Variants in ITPK1 observed in about 807,000 individuals in gnomAD.
ITPK1 encodes inositol 1,3,4-trisphosphate 5/6-kinase.
Under a neutral mutation model 45.3 loss-of-function variants are expected in ITPK1, and 21 were observed. That is an observed-to-expected ratio of 0.46 (90% CI 0.33 to 0.67). The LOEUF is 0.67. ITPK1 is among the 30% of genes least tolerant of loss of function. The probability of loss-of-function intolerance (pLI) is 0.02; values close to 1 mark genes in which losing one functional copy is unlikely to be tolerated. For synonymous variants in ITPK1, 258 were observed against 253.6 expected (o/e 1.02, Z -0.16); for missense variants, 474 against 573.5 (o/e 0.83, Z 1.77).
At position 92,940,263 on chromosome 14, in the gene ITPK1, G is replaced by A. The variant is rs142200308; in HGVS notation, c.*1298C>T. On this transcript the variant is annotated 3_prime_UTR_variant, in exon 11 of 11. Transcript: ENST00000267615. The stretch of plus-strand genomic sequence containing the variant: ...TTTTCAAAGTAAACTGCTATCTTAA[G>A]ACACAAAAACATACTTGTGGGGGCT... 2,320 of 987,424 alleles carry A rather than the reference G, an allele frequency of 2.3e-3. 4 individuals are homozygous for A. The highest frequency in any genetic ancestry group is 3.2e-3 in the Admixed American group (53 of 16,628). 61.2% of individuals were successfully genotyped at this position (987,424 alleles called of 1,614,324 possible).
chr14:92,969,631 C>T (rs1885550186), intron 5 of ITPK1, among the ~76,000 whole-genome samples: 1 of 152,224 alleles, frequency 6.6e-6, no homozygotes, highest in African/African-American at 2.4e-5. Context: ...GGGTTCCTCC[C>T]TCTCGATCAC....
chr14:93,098,925 C>A (rs759129989), intron 2 of ITPK1, among the ~76,000 whole-genome samples: 2 of 152,186 alleles, frequency 1.3e-5, no homozygotes, highest in Non-Finnish European at 2.9e-5. Flanking sequence ...CCCTCACCTG[C>A]CCCACTCGTT....
At chr14:92,963,913 C>T (rs75572102) in intron 5 of ITPK1, among the ~76,000 whole-genome samples, 179 of 152,232 alleles carry the variant, frequency 1.2e-3, no homozygotes, top group African/African-American at 4.0e-3. Context: ...GTGAGCGGGG[C>T]GGGGGCGGTC....
chr14:92,949,789 G>A (rs540054876), intron 9 of ITPK1, among the ~76,000 whole-genome samples: 4 of 152,326 alleles, frequency 2.6e-5, no homozygotes, highest in African/African-American at 4.8e-5. Flanking sequence ...AAATCCTTCC[G>A]AAGTTGTCTG....
chr14:92,942,912 C>G (rs1887503664), intron 10 of ITPK1, among the ~76,000 whole-genome samples: 1 of 152,254 alleles, frequency 6.6e-6, no homozygotes, highest in Non-Finnish European at 1.5e-5. Flanking sequence ...CATTTACAAC[C>G]ATCAGCCCCA....
At chr14:93,057,373 G>A (rs1390597513) in intron 3 of ITPK1, among the ~76,000 whole-genome samples, 1 of 152,174 alleles carries the variant, frequency 6.6e-6, no homozygotes, top group Non-Finnish European at 1.5e-5. Flanking sequence ...CAAGCAGATC[G>A]ACAAATTCTC....
In ITPK1 at chr14:93,036,610, A is replaced by C. The variant is rs1027422368; in HGVS notation, c.121-19809T>G. ...CGGCGTTCTGTGGCCCACACCCCTCATGACTCACCAGGCTCAGCACCCCAG... is the reference window on the plus strand; with the variant it reads ...CGGCGTTCTGTGGCCCACACCCCTCCTGACTCACCAGGCTCAGCACCCCAG... On this transcript the variant is annotated intron_variant, in intron 3 of 10. Transcript: ENST00000267615. The surrounding 1 kb of genome is among the most constrained non-coding windows in gnomAD (Gnocchi z 4.1). Among the ~76,000 whole-genome samples the C allele has an allele frequency of 6.8e-5, 10 of 147,818 alleles. No individual in the cohort carries two copies. Among genetic ancestry groups the C allele is most frequent in the African/African-American group, 2.5e-4 (10 of 39,644 alleles).
At chr14:93,064,532 G>A (rs1370318777) in intron 3 of ITPK1, among the ~76,000 whole-genome samples, 1 of 152,108 alleles carries the variant, frequency 6.6e-6, no homozygotes, top group East Asian at 1.9e-4. Context: ...GGAACCCTGG[G>A]AGCCACCCCA....
intron 2 of ITPK1, among the ~76,000 whole-genome samples, chr14:93,091,341 A>T (rs1262850436): frequency 6.6e-6 from 1 of 152,218 alleles, no homozygotes; most frequent in East Asian, 1.9e-4. Context: ...GACAGCTCCC[A>T]CAGAAGCACT....
In ITPK1 at chr14:93,055,505, T is replaced by C. The variant is rs112728636; in HGVS notation, c.120+21090A>G. On this transcript the variant is annotated intron_variant, in intron 3 of 10. Transcript: ENST00000267615. ...TTCAGTCTCTCAACCTAGACACAAG[T>C]GCTCCACGAAGGCAGAGGGATTTGG... 2.1e-3 allele frequency among the ~76,000 whole-genome samples: 318 copies of C among 152,222 alleles called. 1 individual carries two copies. Among genetic ancestry groups the C allele is most frequent in the African/African-American group, 7.1e-3 (295 of 41,530 alleles).
intron 5 of ITPK1, among the ~76,000 whole-genome samples, chr14:92,986,546 G>A (rs1483896590): frequency 1.3e-5 from 2 of 152,216 alleles, no homozygotes; most frequent in Non-Finnish European, 2.9e-5. Flanking sequence ...TAGAGGAGGG[G>A]TGCCTGTGGG....
At chr14:92,995,600 G>A (rs1251296868) in intron 4 of ITPK1, among the ~76,000 whole-genome samples, 1 of 152,124 alleles carries the variant, frequency 6.6e-6, no homozygotes, top group East Asian at 1.9e-4. Flanking sequence ...CGTAACCTAG[G>A]GGAGGCCTCG....
intron 5 of ITPK1, among the ~76,000 whole-genome samples, chr14:92,967,565 C>A (rs181267541): frequency 2.6e-4 from 39 of 152,208 alleles, no homozygotes; most frequent in African/African-American, 3.4e-4. Flanking sequence ...CTTCTTATAC[C>A]CAAGAGAATG....
chr14:93,098,653 G>A (rs1046486784), intron 2 of ITPK1, among the ~76,000 whole-genome samples: 6 of 152,118 alleles, frequency 3.9e-5, no homozygotes, highest in Non-Finnish European at 7.3e-5. Flanking sequence ...AGAGACCATG[G>A]TGCAGGGCCG....
intron 3 of ITPK1, chr14:93,070,390 A>C (rs1279394700): frequency 6.6e-6 from 1 of 152,278 alleles, no homozygotes; most frequent in Non-Finnish European, 1.5e-5. Flanking sequence ...AGGTGACAGC[A>C]CCTAGCAAGG....
intron 3 of ITPK1, among the ~76,000 whole-genome samples, chr14:93,051,118 C>G (rs371231016): frequency 6.6e-6 from 1 of 152,166 alleles, no homozygotes; most frequent in Admixed American, 6.5e-5. Flanking sequence ...CCACACTCCA[C>G]CCCCAGGACC....
chr14:92,967,985 G>A (rs142419671), intron 5 of ITPK1, among the ~76,000 whole-genome samples: 78 of 152,256 alleles, frequency 5.1e-4, no homozygotes, highest in Non-Finnish European at 8.8e-4. Flanking sequence ...AGTGATGACC[G>A]CACAATTTTG....
intron 3 of ITPK1, among the ~76,000 whole-genome samples, chr14:93,031,149 G>C (rs1889031239): frequency 6.6e-6 from 1 of 152,130 alleles, no homozygotes; most frequent in African/African-American, 2.4e-5. Flanking sequence ...ATGAATCCAA[G>C]GCCTCTCTAA....
rs1768880325 is a variant in ITPK1 at position 93,107,348 on chromosome 14, TAG to T, written c.95+7719_95+7720del. ...AAAGCTGCCAAAATCTCTACCTTCA[TAG>T]AACCAACTACTTAAAAACAAGACAG... On this transcript the variant is annotated intron_variant, in intron 2 of 10. Coordinates refer to ENST00000267615, the MANE Select transcript of ITPK1 (RefSeq NM_014216.6). 2.0e-5 allele frequency among the ~76,000 whole-genome samples: 3 copies of T among 152,168 alleles called. No homozygotes were observed. The South Asian group carries it at 6.2e-4, about 31-fold the overall frequency.
Sources: gnomAD v4.1 joint callset for allele counts (sites outside exome capture counted in the v4.1 genomes callset) on GRCh38, gnomAD v4.1.1 for gene constraint, Gnocchi (gnomAD v3.1) non-coding constraint, MANE v1.5 for transcripts, NCBI Gene and HGNC (gene_info 2026-07-23, HGNC 2026-07-21) for gene names.